ATP7A: variants seen among roughly 807,000 people sequenced by gnomAD.
ATP7A encodes ATPase copper transporting alpha, also known as copper-transporting ATPase 1.
A neutral mutation model predicts 83.5 loss-of-function variants in ATP7A; 7 were observed. That is an observed-to-expected ratio of 0.08 (90% confidence interval 0.05 to 0.16). The LOEUF is 0.16. ATP7A is among the 10% of genes least tolerant of loss of function. The probability of loss-of-function intolerance (pLI) is 1.00; values close to 1 mark genes in which losing one functional copy is unlikely to be tolerated. For synonymous variants in ATP7A, 354 were observed against 395.2 expected (o/e 0.90, Z 1.24); for missense variants, 940 against 1,120.8 (o/e 0.84, Z 2.30).
intron 5 of ATP7A, among the ~76,000 whole-genome samples, chrX:78,002,405 T>C (rs1488002958): frequency 9.0e-6 from 1 of 110,736 alleles, no homozygotes; most frequent in Non-Finnish European, 1.9e-5. Context: ...TAGTACTCTG[T>C]CTTATTAATT....
At chrX:77,918,630 T>C (rs1482012134) in intron 1 of ATP7A, among the ~76,000 whole-genome samples, 2 of 111,031 alleles carry the variant, frequency 1.8e-5, no homozygotes, top group Non-Finnish European at 3.8e-5. Context: ...GAGAAGACAT[T>C]ATGGGGAGCC....
intron 1 of ATP7A, among the ~76,000 whole-genome samples, chrX:77,911,622 GAC>G (rs1297851327): frequency 9.3e-6 from 1 of 107,882 alleles, no homozygotes; most frequent in Non-Finnish European, 1.9e-5. Context: ...CAAGAAATAA[GAC>G]AGAGTTCCTG....
At chrX:78,029,175 A>G in intron 14 of ATP7A, 75 bp from the exon 15 acceptor site, 1 of 1,034,012 alleles carries the variant, frequency 9.7e-7, no homozygotes, top group Non-Finnish European at 1.4e-6. Flanking sequence ...TTTTATTTAA[A>G]TAGTGTTAAG....
chrX:77,934,781 C>T (rs1267570570), intron 1 of ATP7A, among the ~76,000 whole-genome samples: 1 of 110,084 alleles, frequency 9.1e-6, no homozygotes, highest in African/African-American at 3.3e-5. Flanking sequence ...GATTGTGATA[C>T]AGAGGGACTG....
In ATP7A at chrX:78,021,250, GAAAA is replaced by G. The variant is rs367793851; in HGVS notation, c.2916+176_2916+179del. On this transcript the variant is annotated intron_variant, in intron 14 of 22. Coordinates refer to ENST00000341514, the MANE Select transcript of ATP7A (RefSeq NM_000052.7). ...TATAAATATAAAAAATTTCCTTTTGGAAAAAAAATTTTATTATGACTGGTGATTT... is the reference window on the plus strand; with the variant it reads ...TATAAATATAAAAAATTTCCTTTTGGAAAATTTTATTATGACTGGTGATTT... Among the ~76,000 whole-genome samples the G allele has an allele frequency of 2.7e-3, 305 of 111,069 alleles. 1 individual carries two copies. Among genetic ancestry groups the G allele is most frequent in the African/African-American group, 9.5e-3 (292 of 30,675 alleles).
intron 14 of ATP7A, among the ~76,000 whole-genome samples, chrX:78,024,421 C>A (rs2077928789): frequency 8.9e-6 from 1 of 111,781 alleles, no homozygotes; most frequent in South Asian, 3.7e-4. Flanking sequence ...GAGAGAAGAT[C>A]ATCTCCTGCC....
At chrX:78,000,388 T>C (rs2077731813) in intron 5 of ATP7A, among the ~76,000 whole-genome samples, 1 of 110,627 alleles carries the variant, frequency 9.0e-6, no homozygotes, top group South Asian at 3.7e-4. Flanking sequence ...AGAAATAGCT[T>C]TCTTCATGAG....
At chrX:77,997,254 GGTGGAAATGCA>G (rs782502833) in intron 4 of ATP7A, among the ~76,000 whole-genome samples, 3 of 112,596 alleles carry the variant, frequency 2.7e-5, no homozygotes, top group Admixed American at 9.4e-5. Flanking sequence ...CTCAGAGCTT[GGTGGAAATGCA>G]GAATCTCAGA....
At chrX:78,038,469 T>G (rs1569550284) in intron 17 of ATP7A, among the ~76,000 whole-genome samples, 1 of 111,863 alleles carries the variant, frequency 8.9e-6, no homozygotes, top group Non-Finnish European at 1.9e-5. Context: ...CATGTTCATC[T>G]AGCCACATTC....
rs782066149 is a variant in ATP7A, at chrX:77,948,311, G to A, written c.-21-23310G>A. 3.7e-5 allele frequency among the ~76,000 whole-genome samples: 4 copies of A among 109,096 alleles called. No individual in the cohort carries two copies. The South Asian group carries it at 1.5e-3, about 42-fold the overall frequency. 94.7% of individuals were successfully genotyped at this position (109,096 alleles called of 115,157 possible). A position where few individuals can be genotyped will look rare whatever the true frequency, so the allele number is the denominator to read the frequency against. On this transcript the variant is annotated intron_variant, in intron 1 of 22. Transcript: ENST00000341514. ...CCCCGCTAATGTTTTTGTATTTTTA[G>A]TAGACGGGGTTTCACCGTGTTAGCC...
chrX:77,942,450 C>CGG (rs565383314), intron 1 of ATP7A, among the ~76,000 whole-genome samples: 2 of 103,233 alleles, frequency 1.9e-5, no homozygotes, highest in Non-Finnish European at 2.0e-5. Flanking sequence ...TTTTTTTTTG[C>CGG]GGGGGGGGTA....
At chrX:77,944,273 GA>G (rs1231266244) in intron 1 of ATP7A, among the ~76,000 whole-genome samples, 3 of 111,949 alleles carry the variant, frequency 2.7e-5, no homozygotes, top group Non-Finnish European at 5.6e-5. Flanking sequence ...CCTTCAGCAA[GA>G]AAAAAGTGTA....
At chrX:78,026,679 G>A (rs2077945835) in intron 14 of ATP7A, among the ~76,000 whole-genome samples, 3 of 111,261 alleles carry the variant, frequency 2.7e-5, no homozygotes. Flanking sequence ...TTGATCATCG[G>A]CTTGATCATA....
intron 1 of ATP7A, among the ~76,000 whole-genome samples, chrX:77,915,274 C>T (rs5913582): frequency 0.51 from 55,372 of 107,830 alleles, 12,767 homozygotes; most frequent in Non-Finnish European, 0.68. Context: ...GAGATCACAC[C>T]ACTGCACTCC....
intron 1 of ATP7A, among the ~76,000 whole-genome samples, chrX:77,952,796 T>A (rs1310054810): frequency 9.2e-6 from 1 of 108,996 alleles, no homozygotes; most frequent in African/African-American, 3.3e-5. Flanking sequence ...TTCCTTTTTT[T>A]TTTTTTTGAT....
intron 1 of ATP7A, chrX:77,965,445 G>A (rs781983671): frequency 6.2e-6 from 2 of 321,690 alleles, no homozygotes; most frequent in Non-Finnish European, 1.2e-5. Context: ...TCAGAGAAAT[G>A]TGAATCAAAA....
At chrX:77,921,615 T>A (rs2077215450) in intron 1 of ATP7A, among the ~76,000 whole-genome samples, 1 of 112,202 alleles carries the variant, frequency 8.9e-6, no homozygotes, top group African/African-American at 3.2e-5. Context: ...TTAGAAGTAT[T>A]AGCTAGGCCA....
chrX:77,914,857 A>G (rs2077177088), intron 1 of ATP7A, among the ~76,000 whole-genome samples: 1 of 112,275 alleles, frequency 8.9e-6, no homozygotes, highest in African/African-American at 3.2e-5. Context: ...TCTGTCACCT[A>G]GGCTGGAGTG....
At chrX:77,945,231 G>C (rs1385284997) in intron 1 of ATP7A, among the ~76,000 whole-genome samples, 1 of 111,514 alleles carries the variant, frequency 9.0e-6, no homozygotes, top group Admixed American at 9.6e-5. Context: ...AGGCTGGAGT[G>C]CAGTGGTGAC....
Sources: gnomAD v4.1 joint callset for allele counts (sites outside exome capture counted in the v4.1 genomes callset) on GRCh38, gnomAD v4.1.1 for gene constraint, MANE v1.5 for transcripts, NCBI Gene and HGNC (gene_info 2026-07-23, HGNC 2026-07-21) for gene names.